Variants in PTPRG observed in about 807,000 individuals in gnomAD.
PTPRG encodes the protein protein tyrosine phosphatase receptor type G.
Under a neutral mutation model 165.3 loss-of-function variants are expected in PTPRG, and 102 were observed. The ratio of observed to expected loss-of-function variants is 0.62; its 90% CI spans 0.53 to 0.73. PTPRG has a LOEUF of 0.73. PTPRG is among the 30% of genes least tolerant of loss of function. PTPRG has a pLI of 0.00. For missense variants in PTPRG, 1,866 were observed against 1,861.4 expected (o/e 1.00, Z -0.05); for synonymous variants, 675 against 669.5 (o/e 1.01, Z -0.13).
At chr3:62,145,213 C>T (rs1469540518) in intron 6 of PTPRG, among the ~76,000 whole-genome samples, 1 of 152,130 alleles carries the variant, frequency 6.6e-6, no homozygotes, top group African/African-American at 2.4e-5. Context: ...AACCACTTCA[C>T]CTCTTTGTGG....
At position 62,269,163 on chromosome 3, in the gene PTPRG, G is replaced by A; in HGVS notation, c.3003G>A (p.Val1001=). 2 of 1,577,464 alleles carry A rather than the reference G, an allele frequency of 1.3e-6. No individual in the cohort carries two copies. Among genetic ancestry groups the A allele is most frequent in the Non-Finnish European group, 1.7e-6 (2 of 1,154,330 alleles). Residue 1001 remains valine, a synonymous_variant, in exon 20 of 30, where the codon GTG becomes GTA. Coordinates refer to ENST00000474889, the MANE Select transcript of PTPRG (RefSeq NM_002841.4). ...GTTTTTCAATCAGAAATACAAAAGT[G>A]AAAAAGGTATGGAAGGAATTGGGTA... ...VRRFSIRNTK[V]KKGQKGNPKG...
intron 1 of PTPRG, among the ~76,000 whole-genome samples, chr3:61,734,121 T>C (rs1160867813): frequency 1.3e-5 from 2 of 152,230 alleles, no homozygotes; most frequent in Non-Finnish European, 2.9e-5. Context: ...TAATAAGAAC[T>C]CTCTGGTTAG....
At chr3:61,788,791 A>G (rs370060890) in intron 2 of PTPRG, among the ~76,000 whole-genome samples, 1 of 152,190 alleles carries the variant, frequency 6.6e-6, no homozygotes, top group African/African-American at 2.4e-5. Flanking sequence ...CATAGACCAT[A>G]CCTTAACAAG....
intron 8 of PTPRG, among the ~76,000 whole-genome samples, chr3:62,186,610 A>T (rs1356085158): frequency 2.2e-5 from 3 of 133,602 alleles, no homozygotes; most frequent in Non-Finnish European, 3.1e-5. Flanking sequence ...TCGGTCACCC[A>T]GGCTGGAGCA....
intron 4 of PTPRG, among the ~76,000 whole-genome samples, chr3:62,076,793 C>T (rs1191446504): frequency 2.6e-5 from 4 of 152,094 alleles, no homozygotes; most frequent in Non-Finnish European, 5.9e-5. Context: ...GTTGGTCAGG[C>T]TGGTCTCGAA....
At chr3:61,885,193 C>CA (rs10701322) in intron 2 of PTPRG, among the ~76,000 whole-genome samples, 5 of 151,970 alleles carry the variant, frequency 3.3e-5, no homozygotes, top group African/African-American at 9.7e-5. Context: ...GATCATATAA[C>CA]GGTAAACTAT....
intron 2 of PTPRG, among the ~76,000 whole-genome samples, chr3:61,892,008 C>G (rs1211816673): frequency 6.6e-6 from 1 of 151,586 alleles, no homozygotes; most frequent in Non-Finnish European, 1.5e-5. Flanking sequence ...AATAATAGTG[C>G]AAATTTACTA....
intron 12 of PTPRG, among the ~76,000 whole-genome samples, chr3:62,205,424 ACTTCT>A (rs908566144): frequency 7.9e-5 from 12 of 152,316 alleles, no homozygotes; most frequent in African/African-American, 2.6e-4. Context: ...GGTAACACAG[ACTTCT>A]CTTCTCTTGG....
In PTPRG at chr3:62,104,832, T is replaced by G. The variant is rs538506200; in HGVS notation, c.615+26574T>G. Among the ~76,000 whole-genome samples the G allele has an allele frequency of 2.0e-5, 3 of 152,370 alleles. No homozygotes were observed. In the South Asian group the frequency reaches 6.2e-4, roughly 32 times the overall value. On this transcript the variant is annotated intron_variant, in intron 5 of 29. Coordinates refer to ENST00000474889, the MANE Select transcript of PTPRG (RefSeq NM_002841.4). ...TCATATGTCAAAAACTTCAGAGCTT[T>G]GCAGATTTTTTTAACCTTGCATTAT...
chr3:62,205,842 G>A (rs1700216700), intron 12 of PTPRG, among the ~76,000 whole-genome samples: 1 of 152,122 alleles, frequency 6.6e-6, no homozygotes, highest in African/African-American at 2.4e-5. Context: ...GATCTTGGCT[G>A]CAGTGTTACT....
chr3:61,607,419 C>G (rs887654577), intron 1 of PTPRG, among the ~76,000 whole-genome samples: 1 of 152,090 alleles, frequency 6.6e-6, no homozygotes, highest in African/African-American at 2.4e-5. Context: ...AACTGAAATG[C>G]CTGGGGCCAA....
rs201573299 is a variant in PTPRG, at chr3:61,944,316, T to G, written c.191-45309T>G. ...TACAGTTTTCACATATTGATGTCCC[T>G]GTGATCGGAGCGCATCTTACAACTG... On this transcript the variant is annotated intron_variant, in intron 2 of 29. Transcript: ENST00000474889. Among the ~76,000 whole-genome samples the G allele has an allele frequency of 5.9e-5, 9 of 152,346 alleles. No homozygotes were observed. In the East Asian group the frequency reaches 1.4e-3, roughly 23 times the overall value.
intron 5 of PTPRG, among the ~76,000 whole-genome samples, chr3:62,091,615 A>T (rs1466135851): frequency 2.0e-5 from 3 of 152,152 alleles, no homozygotes; most frequent in Non-Finnish European, 4.4e-5. Flanking sequence ...GGGATCCTTT[A>T]TGTGGCCCTA....
rs533194266 is a variant in PTPRG at position 61,912,836 on chromosome 3, C to T, written c.191-76789C>T. 3.9e-5 allele frequency among the ~76,000 whole-genome samples: 6 copies of T among 152,212 alleles called. 1 individual carries two copies. The East Asian group carries it at 1.2e-3, about 29-fold the overall frequency. On this transcript the variant is annotated intron_variant, in intron 2 of 29. Transcript: ENST00000474889. Reference sequence around the variant, plus strand: ...TTTTAGTTTACTGGCAGGAAACAGACTCTGGAAACAAGTCATTGATGTTTA... The same window carrying T: ...TTTTAGTTTACTGGCAGGAAACAGATTCTGGAAACAAGTCATTGATGTTTA...
intron 2 of PTPRG, among the ~76,000 whole-genome samples, chr3:61,833,864 C>T (rs1179661333): frequency 3.3e-5 from 5 of 152,146 alleles, no homozygotes; most frequent in South Asian, 4.1e-4. Flanking sequence ...CGCGCCCAGC[C>T]GTGTTGAAGT....
At chr3:61,862,380 CTTT>C (rs5849448) in intron 2 of PTPRG, among the ~76,000 whole-genome samples, 8 of 125,324 alleles carry the variant, frequency 6.4e-5, no homozygotes, top group East Asian at 2.4e-4. Context: ...ATTACTCAGA[CTTT>C]TTTTTTTTTT....
At chr3:61,889,591 T>C (rs931499430) in intron 2 of PTPRG, among the ~76,000 whole-genome samples, 5 of 152,210 alleles carry the variant, frequency 3.3e-5, no homozygotes, top group African/African-American at 4.8e-5. Flanking sequence ...TGAAAAGCTG[T>C]TGTTATTATT....
At chr3:62,216,088 C>G (rs1221962581) in intron 12 of PTPRG, among the ~76,000 whole-genome samples, 2 of 151,968 alleles carry the variant, frequency 1.3e-5, no homozygotes, top group South Asian at 4.2e-4. Context: ...CGTGGTGGCA[C>G]ACACCTGTAA....
rs906288665 is a variant in PTPRG, at chr3:62,066,908, C to T, written c.520-11255C>T. Among the ~76,000 whole-genome samples the T allele has an allele frequency of 1.1e-4, 16 of 152,024 alleles. No individual in the cohort carries two copies. The South Asian group carries it at 1.5e-3, about 14-fold the overall frequency. On this transcript the variant is annotated intron_variant, in intron 4 of 29. Transcript: ENST00000474889. Reference sequence around the variant, plus strand: ...CAATAATTAGCTGGATGTGGTGGCACGTGCCTGTAATCCCAGCTACTCAGG... The same window carrying T: ...CAATAATTAGCTGGATGTGGTGGCATGTGCCTGTAATCCCAGCTACTCAGG...
Sources: gnomAD v4.1 joint callset for allele counts (sites outside exome capture counted in the v4.1 genomes callset) on GRCh38, gnomAD v4.1.1 for gene constraint, MANE v1.5 for transcripts, NCBI Gene and HGNC (gene_info 2026-07-23, HGNC 2026-07-21) for gene names.